Variants in KIAA1958 observed in about 807,000 individuals in gnomAD.
KIAA1958 encodes uncharacterized protein KIAA1958.
A neutral mutation model predicts 47.2 loss-of-function variants in KIAA1958; 14 were observed. The ratio of observed to expected loss-of-function variants is 0.30; its 90% CI spans 0.20 to 0.46. KIAA1958 has a LOEUF of 0.46. Among genes scored for constraint, KIAA1958 ranks in the 20% least tolerant of loss-of-function variants. KIAA1958 has a pLI of 1.00. For missense variants in KIAA1958, 803 were observed against 909.2 expected (o/e 0.88, Z 1.50); for synonymous variants, 354 against 353.3 (o/e 1.00, Z -0.02).
chr9:112,659,736 G>A lies in KIAA1958; in HGVS notation c.1818G>A (p.Arg606=). The change falls in exon 4 of 4, where the codon CGG becomes CGA. Residue 606 remains arginine, a synonymous_variant. Coordinates refer to ENST00000337530, the MANE Select transcript of KIAA1958 (RefSeq NM_133465.4). ...CGGACAGCGTCAAGCGGGAGAGTCG[G>A]AGCGGCTCCACCAGAGTGTGTCACG... The part of the protein sequence containing the change: ...ARTDSVKRES[R]SGSTRVCHGK... The A allele has an allele frequency of 6.2e-7, 1 of 1,614,192 alleles. No homozygotes were observed. The highest frequency in any genetic ancestry group is 2.2e-5 in the East Asian group (1 of 44,876).
At chr9:112,576,271 A>G (rs1835643848) in intron 2 of KIAA1958, among the ~76,000 whole-genome samples, 1 of 152,208 alleles carries the variant, frequency 6.6e-6, no homozygotes, top group Non-Finnish European at 1.5e-5. Context: ...TATTAAGAAG[A>G]TATTCACTGA....
At chr9:112,653,293 G>A (rs1206836535) in intron 3 of KIAA1958, among the ~76,000 whole-genome samples, 1 of 152,150 alleles carries the variant, frequency 6.6e-6, no homozygotes, top group African/African-American at 2.4e-5. Context: ...GATGAAGCTG[G>A]AAAATAGAGT....
chr9:112,534,394 G>T (rs562742671), intron 1 of KIAA1958, among the ~76,000 whole-genome samples: 2 of 152,206 alleles, frequency 1.3e-5, no homozygotes, highest in African/African-American at 2.4e-5. Context: ...GCCAAAAAAT[G>T]ATGTCAGGGT....
intron 1 of KIAA1958, among the ~76,000 whole-genome samples, chr9:112,498,010 C>G (rs982620793): frequency 6.6e-6 from 1 of 152,090 alleles, no homozygotes; most frequent in Non-Finnish European, 1.5e-5. Context: ...ATGCAATAAT[C>G]TGATTAGTAA....
chr9:112,543,017 G>A (rs994531180), intron 1 of KIAA1958, among the ~76,000 whole-genome samples: 1 of 152,160 alleles, frequency 6.6e-6, no homozygotes, highest in African/African-American at 2.4e-5. Context: ...TGCTTCGGGA[G>A]TTCCTCACTT....
At chr9:112,521,732 A>G (rs1834547677) in intron 1 of KIAA1958, among the ~76,000 whole-genome samples, 1 of 152,096 alleles carries the variant, frequency 6.6e-6, no homozygotes, top group South Asian at 2.1e-4. Context: ...ATTTGAAAAA[A>G]TACATATTCA....
Position 112,525,944 on chromosome 9 carries a change from T to C in KIAA1958, c.-25+38826T>C, listed in dbSNP as rs1030417218. 1.2e-3 allele frequency among the ~76,000 whole-genome samples: 21 copies of C among 17,406 alleles called. 1 individual carries two copies. The highest frequency in any genetic ancestry group is 5.8e-3 in the African/African-American group (16 of 2,748). 11.4% of individuals were successfully genotyped at this position (17,406 alleles called of 152,430 possible). ...TTCTTCTTCTTCTTCTTCTTCTTCT[T>C]CTTCTTCTTCTTCTTCTTCTTCTTC... On this transcript the variant is annotated intron_variant, in intron 1 of 3. Transcript: ENST00000337530.
intron 1 of KIAA1958, among the ~76,000 whole-genome samples, chr9:112,505,721 A>G (rs564052126): frequency 1.2e-4 from 19 of 152,358 alleles, no homozygotes; most frequent in South Asian, 4.1e-4. Context: ...TCAGAGAAAT[A>G]CTGTGATTTA....
In KIAA1958 at chr9:112,618,130, A is replaced by G; in HGVS notation, c.1172-27520A>G. The G allele has an allele frequency of 2.6e-6, 4 of 1,550,636 alleles. 1 individual carries two copies. Among genetic ancestry groups the G allele is most frequent in the South Asian group, 2.4e-5 (2 of 84,062 alleles). Reference sequence around the variant, plus strand: ...AGTGTGGGCTCGAAAGGTACCTGAAAGAACACAGGTATGGCTATAGCATCA... The same window carrying G: ...AGTGTGGGCTCGAAAGGTACCTGAAGGAACACAGGTATGGCTATAGCATCA... On this transcript the variant is annotated intron_variant, in intron 2 of 3. Coordinates refer to ENST00000337530, the MANE Select transcript of KIAA1958 (RefSeq NM_133465.4). The surrounding 1 kb of genome is among the most constrained non-coding windows in gnomAD (Gnocchi z 7.1).
chr9:112,548,584 T>G (rs1209247280), intron 1 of KIAA1958, among the ~76,000 whole-genome samples: 1 of 152,214 alleles, frequency 6.6e-6, no homozygotes, highest in African/African-American at 2.4e-5. Flanking sequence ...TTGTTGTTAC[T>G]TGTTTTGTTT....
At chr9:112,616,751 G>A (rs539933105) in intron 2 of KIAA1958, among the ~76,000 whole-genome samples, 42 of 152,228 alleles carry the variant, frequency 2.8e-4, no homozygotes, top group Non-Finnish European at 4.3e-4. Context: ...TATTGTTAAT[G>A]TTAAGATCCT....
At chr9:112,580,679 C>G (rs1298806239) in intron 2 of KIAA1958, among the ~76,000 whole-genome samples, 1 of 151,772 alleles carries the variant, frequency 6.6e-6, no homozygotes, top group African/African-American at 2.4e-5. Flanking sequence ...CCCAGCTATT[C>G]GGCAGGCTGA....
chr9:112,609,456 G>A (rs890907557), intron 2 of KIAA1958, among the ~76,000 whole-genome samples: 3 of 152,154 alleles, frequency 2.0e-5, no homozygotes, highest in Non-Finnish European at 2.9e-5. Flanking sequence ...AAATTTTAAG[G>A]TGAAGTTATG....
At chr9:112,642,024 G>A (rs1836898898) in intron 2 of KIAA1958, among the ~76,000 whole-genome samples, 1 of 152,162 alleles carries the variant, frequency 6.6e-6, no homozygotes, top group Non-Finnish European at 1.5e-5. Context: ...GTAGCTTGGT[G>A]ACTGTCATGC....
intron 2 of KIAA1958, among the ~76,000 whole-genome samples, chr9:112,598,555 T>G (rs1285615831): frequency 6.6e-6 from 1 of 152,188 alleles, no homozygotes; most frequent in South Asian, 2.1e-4. Context: ...GTGTCACCCA[T>G]GGAAAATAAA....
intron 2 of KIAA1958, among the ~76,000 whole-genome samples, chr9:112,643,900 G>A (rs568453520): frequency 4.6e-5 from 7 of 152,266 alleles, no homozygotes; most frequent in East Asian, 3.9e-4. Flanking sequence ...TGTGAAGGCC[G>A]GGTGCGGTGG....
chr9:112,630,925 C>T (rs909261617), intron 2 of KIAA1958, among the ~76,000 whole-genome samples: 2 of 152,004 alleles, frequency 1.3e-5, no homozygotes, highest in African/African-American at 2.4e-5. Flanking sequence ...AGTATTTAAA[C>T]GAGGAACTCA....
chr9:112,535,190 A>G (rs1433798077), intron 1 of KIAA1958, among the ~76,000 whole-genome samples: 1 of 152,210 alleles, frequency 6.6e-6, no homozygotes, highest in African/African-American at 2.4e-5. Flanking sequence ...TCTTGAACTT[A>G]TTCCTCCTGT....
intron 1 of KIAA1958, among the ~76,000 whole-genome samples, chr9:112,539,676 A>G (rs1431216100): frequency 6.6e-6 from 1 of 151,430 alleles, no homozygotes; most frequent in Non-Finnish European, 1.5e-5. Context: ...AAAAGTATAT[A>G]TATATATTTT....
Sources: allele counts gnomAD v4.1 joint callset (sites outside exome capture counted in the v4.1 genomes callset), GRCh38; gene constraint gnomAD v4.1.1; non-coding constraint Gnocchi (gnomAD v3.1); transcripts MANE v1.5; gene names NCBI Gene and HGNC (gene_info 2026-07-23, HGNC 2026-07-21).